Variants in ANKRD30BL observed in about 807,000 individuals in gnomAD.
ANKRD30BL encodes ankyrin repeat domain 30B like, also known as putative ankyrin repeat domain-containing protein 30B-like.
A neutral mutation model predicts 18.4 loss-of-function variants in ANKRD30BL; 20 were observed. The ratio of observed to expected loss-of-function variants is 1.09; its 90% CI spans 0.77 to 1.58. ANKRD30BL has a LOEUF of 1.58. Among genes scored for constraint, ANKRD30BL ranks in the 40% most tolerant of loss-of-function variants. The pLI is 0.00. For synonymous variants in ANKRD30BL, 72 were observed against 100.9 expected (o/e 0.71, Z 1.72); for missense variants, 224 against 268.6 (o/e 0.83, Z 1.16).
intron 4 of ANKRD30BL, among the ~76,000 whole-genome samples, chr2:132,151,683 T>C (rs1247387602): frequency 6.6e-6 from 1 of 152,120 alleles, no homozygotes; most frequent in Non-Finnish European, 1.5e-5. Context: ...TTTTCTGTTA[T>C]TAATTCCTAC....
At chr2:132,214,098 G>T (rs1170669678) in intron 1 of ANKRD30BL, among the ~76,000 whole-genome samples, 2 of 152,106 alleles carry the variant, frequency 1.3e-5, no homozygotes, top group African/African-American at 4.8e-5. Flanking sequence ...CACTCTTTTT[G>T]TAGAATCTGC....
intron 1 of ANKRD30BL, among the ~76,000 whole-genome samples, chr2:132,168,922 ATAAT>A (rs1214843705): frequency 3.3e-5 from 5 of 151,172 alleles, no homozygotes; most frequent in Non-Finnish European, 7.4e-5. Context: ...TTTGTACAGC[ATAAT>A]TAATTATGAA....
intron 1 of ANKRD30BL, among the ~76,000 whole-genome samples, chr2:132,178,948 C>T (rs200627542): frequency 5.8e-4 from 88 of 151,298 alleles, no homozygotes; most frequent in African/African-American, 2.1e-3. Flanking sequence ...AATGGTGATG[C>T]ATTTTGCAGA....
chr2:132,236,301 A>T (rs1680149539), intron 1 of ANKRD30BL, among the ~76,000 whole-genome samples: 1 of 152,148 alleles, frequency 6.6e-6, no homozygotes, highest in African/African-American at 2.4e-5. Context: ...TGTCTAAAAC[A>T]CCAAAAACAA....
chr2:132,220,338 CTCCCTCTCCCTG>C lies in ANKRD30BL; in HGVS notation n.441+37179_441+37190del, dbSNP rs1315633630. Among the ~76,000 whole-genome samples the C allele has an allele frequency of 5.6e-4, 55 of 97,882 alleles. 2 individuals are homozygous for C. Among genetic ancestry groups the C allele is most frequent in the African/African-American group, 2.8e-3 (51 of 18,266 alleles). 64.2% of individuals were successfully genotyped at this position (97,882 alleles called of 152,430 possible). A position where few individuals can be genotyped will look rare whatever the true frequency, so the allele number is the denominator to read the frequency against. On this transcript the variant is annotated intron_variant and non_coding_transcript_variant, in intron 1 of 4. Transcript: ENST00000470729. ...TCTCCCTCTCCCTGTCCCTCTCCCT[CTCCCTCTCCCTG>C]TCCCTCTCCCTCTCCCTCTCCCTCT...
intron 1 of ANKRD30BL, among the ~76,000 whole-genome samples, chr2:132,216,593 G>C (rs1268086742): frequency 6.6e-6 from 1 of 152,142 alleles, no homozygotes. Context: ...ATCTCACAGA[G>C]TTGAACATTT....
At chr2:132,199,751 T>A (rs959042584) in intron 1 of ANKRD30BL, among the ~76,000 whole-genome samples, 1 of 152,182 alleles carries the variant, frequency 6.6e-6, no homozygotes, top group Non-Finnish European at 1.5e-5. Flanking sequence ...TATGGGATTG[T>A]TGTATAAAAT....
intron 1 of ANKRD30BL, among the ~76,000 whole-genome samples, chr2:132,221,867 A>G (rs1243478163): frequency 5.6e-4 from 28 of 49,712 alleles, no homozygotes; most frequent in Admixed American, 1.7e-3. Context: ...GGGAGGGGGG[A>G]GGGGGAGTCA....
At chr2:132,249,218 G>A (rs943151834) in intron 1 of ANKRD30BL, among the ~76,000 whole-genome samples, 5 of 151,798 alleles carry the variant, frequency 3.3e-5, no homozygotes, top group South Asian at 4.2e-4. Context: ...TCAATCAAAG[G>A]AATGGCTCAA....
intron 1 of ANKRD30BL, among the ~76,000 whole-genome samples, chr2:132,231,925 A>G (rs1216142292): frequency 6.6e-6 from 1 of 152,226 alleles, no homozygotes; most frequent in East Asian, 1.9e-4. Context: ...CTGCAGACTT[A>G]AATGTCCCTG....
chr2:132,223,620 T>A (rs1264252673), intron 1 of ANKRD30BL, among the ~76,000 whole-genome samples: 2 of 152,104 alleles, frequency 1.3e-5, no homozygotes, highest in Non-Finnish European at 2.9e-5. Flanking sequence ...ATCGGTTATA[T>A]CTTCACATAA....
At chr2:132,169,538 T>C (rs1688241010) in intron 1 of ANKRD30BL, among the ~76,000 whole-genome samples, 1 of 151,202 alleles carries the variant, frequency 6.6e-6, no homozygotes, top group Admixed American at 6.6e-5. Context: ...TCTCATCTAT[T>C]CAGGAGGCTG....
intron 1 of ANKRD30BL, among the ~76,000 whole-genome samples, chr2:132,231,408 T>C (rs1252673707): frequency 2.6e-5 from 4 of 152,244 alleles, no homozygotes; most frequent in Non-Finnish European, 4.4e-5. Context: ...AGGTGATTTC[T>C]GCCTTTCCAT....
At chr2:132,227,705 G>A (rs1422636292) in intron 1 of ANKRD30BL, among the ~76,000 whole-genome samples, 3 of 152,088 alleles carry the variant, frequency 2.0e-5, no homozygotes, top group African/African-American at 4.8e-5. Context: ...GCCTATAGTG[G>A]AAAAGGAAAT....
chr2:132,227,321 A>T (rs1679874115), intron 1 of ANKRD30BL, among the ~76,000 whole-genome samples: 1 of 152,088 alleles, frequency 6.6e-6, no homozygotes, highest in South Asian at 2.1e-4. Context: ...CTTTTTGTAG[A>T]ATCTGCAAGT....
chr2:132,197,207 G>A (rs1187524229), intron 1 of ANKRD30BL, among the ~76,000 whole-genome samples: 2 of 152,220 alleles, frequency 1.3e-5, no homozygotes, highest in Non-Finnish European at 2.9e-5. Context: ...CTAATTTAAA[G>A]TATAAAACAA....
At chr2:132,206,130 C>T (rs1375741113) in intron 1 of ANKRD30BL, among the ~76,000 whole-genome samples, 1 of 151,622 alleles carries the variant, frequency 6.6e-6, no homozygotes, top group Non-Finnish European at 1.5e-5. Flanking sequence ...TGCACTCCAG[C>T]ATGGGTGACA....
In ANKRD30BL at chr2:132,161,524, G is replaced by T; in HGVS notation, c.182C>A (p.Thr61Lys). 1.4e-6 allele frequency: 2 copies of T among 1,456,728 alleles called. No individual in the cohort carries two copies. Among genetic ancestry groups the T allele is most frequent in the Non-Finnish European group, 1.9e-6 (2 of 1,063,376 alleles). 90.2% of individuals were successfully genotyped at this position (1,456,728 alleles called of 1,614,324 possible). Residue 61 changes from threonine (T) to lysine (K), a missense_variant, in exon 1 of 6, where the codon ACG (threonine) becomes AAG (lysine). By Grantham distance (78) the Thr-to-Lys change is moderately conservative. This residue lies in a region of ANKRD30BL where 131 missense variants were observed against 128.8 expected (regional missense o/e 1.02). Transcript: ENST00000409867. ...ATCTCTTATGTTCAGGTCCATTGTC[G>T]TCTTCTTCATCATCCTCTCCAGCTT... ...AWKLERMMKK[T>K]TMDLNIRDAK...
chr2:132,215,219 T>C (rs1023681898), intron 1 of ANKRD30BL, among the ~76,000 whole-genome samples: 22 of 152,346 alleles, frequency 1.4e-4, no homozygotes, highest in Admixed American at 1.4e-3. Flanking sequence ...CTGAGAAACA[T>C]CTTTGTGATG....
Sources: allele counts gnomAD v4.1 joint callset (sites outside exome capture counted in the v4.1 genomes callset), GRCh38; gene constraint gnomAD v4.1.1; regional missense constraint gnomAD v4.1.1; transcripts MANE v1.5; gene names NCBI Gene and HGNC (gene_info 2026-07-23, HGNC 2026-07-21).